EBF1: variants seen among roughly 807,000 people sequenced by gnomAD.
The protein encoded by EBF1 is EBF transcription factor 1.
EBF1 carries 10 observed loss-of-function variants against 68.4 expected under a neutral mutation model. The observed-to-expected ratio is 0.15, with a 90% CI of 0.09 to 0.25. The LOEUF is 0.25. Among genes scored for constraint, EBF1 ranks in the 10% least tolerant of loss-of-function variants. The pLI is 1.00. For synonymous variants in EBF1, 298 were observed against 299.8 expected (o/e 0.99, Z 0.06); for missense variants, 509 against 794.4 (o/e 0.64, Z 4.32).
intron 5 of EBF1, among the ~76,000 whole-genome samples, chr5:159,081,689 G>T (rs1779766040): frequency 6.6e-6 from 1 of 152,208 alleles, no homozygotes; most frequent in Non-Finnish European, 1.5e-5. Context: ...ATACACTGAT[G>T]AGGGAAAGAG....
intron 6 of EBF1, chr5:158,986,386 T>C (rs1057125359): frequency 1.3e-5 from 2 of 152,198 alleles, no homozygotes; most frequent in African/African-American, 4.8e-5. Context: ...CTAGGCTGAC[T>C]CTGGTGTTTC....
intron 9 of EBF1, among the ~76,000 whole-genome samples, chr5:158,795,623 T>C (rs1779478620): frequency 6.6e-6 from 1 of 152,226 alleles, no homozygotes; most frequent in Non-Finnish European, 1.5e-5. Context: ...GAGAACACAA[T>C]GGCAGATTTG....
At chr5:158,961,701 C>G (rs1818213779) in intron 6 of EBF1, among the ~76,000 whole-genome samples, 1 of 152,124 alleles carries the variant, frequency 6.6e-6, no homozygotes, top group Non-Finnish European at 1.5e-5. Context: ...GTAAGTTACT[C>G]TTTTAATTTA....
At chr5:158,978,797 T>TACACACACACACACACACACACAC (rs57930371) in intron 6 of EBF1, among the ~76,000 whole-genome samples, 1 of 142,922 alleles carries the variant, frequency 7.0e-6, no homozygotes, top group Non-Finnish European at 1.5e-5. Context: ...CACACACACA[T>TACACACACACACACACACACACAC]ACACACACAC....
chr5:158,742,118 C>G (rs1766544780), intron 10 of EBF1, among the ~76,000 whole-genome samples: 1 of 152,214 alleles, frequency 6.6e-6, no homozygotes, highest in Admixed American at 6.5e-5. Flanking sequence ...CCAAGGGCTC[C>G]TCAGAGCAGA....
chr5:158,985,458 A>G (rs1165565169), intron 6 of EBF1, among the ~76,000 whole-genome samples: 1 of 152,250 alleles, frequency 6.6e-6, no homozygotes, highest in African/African-American at 2.4e-5. Flanking sequence ...GCTAGACATC[A>G]GTATTTGCTT....
At chr5:158,921,106 C>A (rs949938193) in intron 6 of EBF1, among the ~76,000 whole-genome samples, 1 of 152,178 alleles carries the variant, frequency 6.6e-6, no homozygotes, top group Non-Finnish European at 1.5e-5. Flanking sequence ...CACGTTTATG[C>A]GTTTGACCTC....
intron 1 of EBF1, 75 bp downstream of exon 1, chr5:159,099,270 C>A (rs1204063803): frequency 1.8e-5 from 23 of 1,249,974 alleles, no homozygotes; most frequent in African/African-American, 1.3e-4. Context: ...GCAGCTGCCG[C>A]TGCCGCTGCC....
intron 6 of EBF1, among the ~76,000 whole-genome samples, chr5:158,951,036 A>T (rs1242072002): frequency 6.6e-6 from 1 of 152,212 alleles, no homozygotes; most frequent in Non-Finnish European, 1.5e-5. Flanking sequence ...GAATGAAAAA[A>T]GTTCAAGCCA....
intron 6 of EBF1, among the ~76,000 whole-genome samples, chr5:158,998,609 C>T (rs1369125140): frequency 4.8e-4 from 73 of 152,300 alleles, no homozygotes; most frequent in Admixed American, 4.7e-3. Flanking sequence ...TATCATTTTA[C>T]CAACCCACCT....
At position 158,911,672 on chromosome 5, in the gene EBF1, C is replaced by T. The variant is rs1419255221; in HGVS notation, c.555-71562G>A. 2.0e-5 allele frequency among the ~76,000 whole-genome samples: 3 copies of T among 152,190 alleles called. No homozygotes were observed. In the East Asian group the frequency reaches 5.8e-4, roughly 29 times the overall value. On this transcript the variant is annotated intron_variant, in intron 6 of 15. Coordinates refer to ENST00000313708, the MANE Select transcript of EBF1 (RefSeq NM_024007.5). ...ATCATCATCTCTTAAAAGCCTTACT[C>T]ACCCCATTTCACCTTGCCCTGGAAT...
chr5:158,957,522 C>G (rs549557277), intron 6 of EBF1, among the ~76,000 whole-genome samples: 2 of 152,332 alleles, frequency 1.3e-5, no homozygotes, highest in African/African-American at 4.8e-5. Context: ...TTAGAACTCT[C>G]TGAACATTTT....
At chr5:159,024,806 A>G (rs180944074) in intron 6 of EBF1, among the ~76,000 whole-genome samples, 3 of 152,360 alleles carry the variant, frequency 2.0e-5, no homozygotes, top group East Asian at 3.9e-4. Context: ...AGCATTCTCC[A>G]TAGCCATTGA....
In EBF1 at chr5:158,696,896, TG is replaced by T. The variant is rs1229783839; in HGVS notation, c.*2214del. On this transcript the variant is annotated 3_prime_UTR_variant, in exon 16 of 16. Coordinates refer to ENST00000313708, the MANE Select transcript of EBF1 (RefSeq NM_024007.5). ...GTTCTTTTGTGCTTTTCGATTTCTT[TG>T]TTTTTTTTTTTTTCTTTTTTTCTTT... 3.0e-5 allele frequency: 6 copies of T among 200,514 alleles called. No homozygotes were observed. The highest frequency in any genetic ancestry group is 1.6e-3 in the Middle Eastern group (1 of 618). 12.4% of individuals were successfully genotyped at this position (200,514 alleles called of 1,614,324 possible).
At chr5:158,811,875 C>G (rs916643623) in intron 8 of EBF1, among the ~76,000 whole-genome samples, 9 of 152,272 alleles carry the variant, frequency 5.9e-5, no homozygotes, top group Non-Finnish European at 1.0e-4. Context: ...TTTATCCCCA[C>G]GTGGAATTTT....
chr5:158,823,750 G>A (rs1785377032), intron 7 of EBF1, among the ~76,000 whole-genome samples: 1 of 152,104 alleles, frequency 6.6e-6, no homozygotes, highest in Non-Finnish European at 1.5e-5. Flanking sequence ...AGAGGATAGA[G>A]AAATGAAAAA....
intron 6 of EBF1, among the ~76,000 whole-genome samples, chr5:158,948,883 T>C (rs993133782): frequency 2.0e-5 from 3 of 152,218 alleles, no homozygotes; most frequent in Admixed American, 1.3e-4. Flanking sequence ...CTCAGTTTAT[T>C]TTAATTATAC....
intron 6 of EBF1, among the ~76,000 whole-genome samples, chr5:159,010,355 A>T (rs755276719): frequency 6.6e-6 from 1 of 152,178 alleles, no homozygotes; most frequent in Non-Finnish European, 1.5e-5. Flanking sequence ...CTCTTGCAAC[A>T]CCTTCAGTAT....
Position 159,063,466 on chromosome 5 carries a change from A to G in EBF1, c.554+9930T>C, listed in dbSNP as rs570455830. On this transcript the variant is annotated intron_variant, in intron 6 of 15. Transcript: ENST00000313708. The stretch of plus-strand genomic sequence containing the variant: ...GCATTCTTCTATTTTTAAAACATAT[A>G]TATCAATATATTCTTTGTTTATACT... 2.0e-4 allele frequency among the ~76,000 whole-genome samples: 31 copies of G among 152,264 alleles called. 1 individual carries two copies. In the South Asian group the frequency reaches 6.2e-3, roughly 31 times the overall value.
Sources: allele counts gnomAD v4.1 joint callset (sites outside exome capture counted in the v4.1 genomes callset), GRCh38; gene constraint gnomAD v4.1.1; transcripts MANE v1.5; gene names NCBI Gene and HGNC (gene_info 2026-07-23, HGNC 2026-07-21).